Variants in CNTNAP2 observed in about 807,000 individuals in gnomAD.
CNTNAP2 encodes contactin-associated protein-like 2.
Under a neutral mutation model 155.2 loss-of-function variants are expected in CNTNAP2, and 98 were observed. That is an observed-to-expected ratio of 0.63 (90% CI 0.54 to 0.75). The LOEUF is 0.75. Ranked by LOEUF, CNTNAP2 falls within the 30% of genes least tolerant of loss-of-function variation. CNTNAP2 has a pLI of 0.00. For missense variants in CNTNAP2, 1,727 were observed against 1,688.1 expected (o/e 1.02, Z -0.40); for synonymous variants, 651 against 631.2 (o/e 1.03, Z -0.47).
chr7:147,031,067 T>C (rs1799023611), intron 3 of CNTNAP2, among the ~76,000 whole-genome samples: 1 of 152,196 alleles, frequency 6.6e-6, no homozygotes, highest in Non-Finnish European at 1.5e-5. Context: ...CATTTCTACC[T>C]CCAAACCTCT....
intron 1 of CNTNAP2, among the ~76,000 whole-genome samples, chr7:146,280,409 CG>C (rs1563019740): frequency 6.6e-6 from 1 of 151,844 alleles, no homozygotes; most frequent in Non-Finnish European, 1.5e-5. Context: ...CCTTTTTTCA[CG>C]TCTCAAGGAA....
intron 18 of CNTNAP2, among the ~76,000 whole-genome samples, chr7:148,192,149 C>T (rs1167428217): frequency 6.6e-6 from 1 of 152,030 alleles, no homozygotes; most frequent in African/African-American, 2.4e-5. Flanking sequence ...AAATTTATGG[C>T]GTACAAGGGT....
chr7:147,518,639 A>C (rs1799174853), intron 11 of CNTNAP2, among the ~76,000 whole-genome samples: 1 of 152,194 alleles, frequency 6.6e-6, no homozygotes, highest in African/African-American at 2.4e-5. Context: ...AATAATCAGC[A>C]CTGAACGAAT....
In CNTNAP2 at chr7:147,903,702, G is replaced by T; in HGVS notation, c.2236G>T (p.Asp746Tyr). 6.2e-7 allele frequency: 1 copy of T among 1,613,834 alleles called. No individual in the cohort carries two copies. The change falls in exon 14 of 24, where the codon GAC (aspartate) becomes TAC (tyrosine). Residue 746 changes from aspartate (D) to tyrosine (Y), a missense_variant. By Grantham distance (160) the Asp-to-Tyr change is radical. Transcript: ENST00000361727. ...AGATCCCAAGTACTACTGTAACTGC[G>T]ACGCGGACTACAAGCAATGGTGAGT... Reference protein sequence around the residue: ...CTDPKYYCNCDADYKQWRKDA... With the variant: ...CTDPKYYCNCYADYKQWRKDA...
intron 3 of CNTNAP2, among the ~76,000 whole-genome samples, chr7:146,932,801 A>G (rs1796807262): frequency 6.6e-6 from 1 of 152,140 alleles, no homozygotes; most frequent in African/African-American, 2.4e-5. Flanking sequence ...TAACAGACAA[A>G]CAGAGAGCCA....
At chr7:146,325,612 GCACA>G (rs372445430) in intron 1 of CNTNAP2, among the ~76,000 whole-genome samples, 1 of 151,288 alleles carries the variant, frequency 6.6e-6, no homozygotes, top group South Asian at 2.1e-4. Context: ...ACACACACAT[GCACA>G]CACACACAGG....
intron 14 of CNTNAP2, among the ~76,000 whole-genome samples, chr7:147,941,908 C>A (rs1800729477): frequency 6.6e-6 from 1 of 152,200 alleles, no homozygotes; most frequent in Non-Finnish European, 1.5e-5. Flanking sequence ...GCCAGCTATA[C>A]CGACATATTT....
chr7:146,182,804 C>G (rs2116838729), intron 1 of CNTNAP2, among the ~76,000 whole-genome samples: 1 of 152,248 alleles, frequency 6.6e-6, no homozygotes, highest in Admixed American at 6.5e-5. Context: ...TGTTCCCTTG[C>G]TAACTCATGT....
At chr7:147,589,265 G>C (rs1800693884) in intron 12 of CNTNAP2, among the ~76,000 whole-genome samples, 1 of 152,142 alleles carries the variant, frequency 6.6e-6, no homozygotes. Flanking sequence ...CTCAAGTTTG[G>C]TGAAAATGTT....
At chr7:148,018,442 G>C (rs1802218834) in intron 15 of CNTNAP2, among the ~76,000 whole-genome samples, 1 of 152,156 alleles carries the variant, frequency 6.6e-6, no homozygotes, top group Non-Finnish European at 1.5e-5. Flanking sequence ...GTTGTTGGTT[G>C]AATGTTCAAA....
At chr7:147,300,997 T>G (rs1276661036) in intron 9 of CNTNAP2, among the ~76,000 whole-genome samples, 2 of 152,116 alleles carry the variant, frequency 1.3e-5, no homozygotes. Flanking sequence ...ATAATCCAAT[T>G]TAGCAGTGAT....
chr7:148,289,800 C>G (rs10249313), intron 21 of CNTNAP2, among the ~76,000 whole-genome samples: 9,077 of 152,254 alleles, frequency 0.06, 350 homozygotes, highest in African/African-American at 0.11. Flanking sequence ...GAAACCAAGG[C>G]TGTTGGGGGA....
At chr7:147,076,125 A>G (rs1002232008) in intron 4 of CNTNAP2, among the ~76,000 whole-genome samples, 2 of 152,324 alleles carry the variant, frequency 1.3e-5, no homozygotes, top group Middle Eastern at 6.8e-3. Flanking sequence ...AGCATGATTT[A>G]TAATCCTTTG....
chr7:146,511,913 A>G lies in CNTNAP2; in HGVS notation c.98-262358A>G, dbSNP rs556135869. ...AGTTCTCATTAAGTCCTGGGTTTTT[A>G]TATGGGAGGCTTTTTATTACTGCTT... On this transcript the variant is annotated intron_variant, in intron 1 of 23. Transcript: ENST00000361727. Among the ~76,000 whole-genome samples, 53 of 152,124 alleles carry G rather than the reference A, an allele frequency of 3.5e-4. No individual in the cohort carries two copies. In the Middle Eastern group the frequency reaches 0.014, roughly 39 times the overall value.
At chr7:146,633,630 A>G (rs1159144703) in intron 1 of CNTNAP2, among the ~76,000 whole-genome samples, 2 of 152,000 alleles carry the variant, frequency 1.3e-5, no homozygotes, top group Non-Finnish European at 2.9e-5. Context: ...TTGAGTTAAA[A>G]AATAGATATA....
chr7:147,924,816 G>A (rs1204846677), intron 14 of CNTNAP2, among the ~76,000 whole-genome samples: 1 of 152,044 alleles, frequency 6.6e-6, no homozygotes, highest in East Asian at 1.9e-4. Context: ...CACCTCTCAA[G>A]TCAGAAAGAA....
intron 14 of CNTNAP2, among the ~76,000 whole-genome samples, chr7:147,963,349 G>C (rs1440964712): frequency 1.3e-5 from 2 of 152,144 alleles, no homozygotes; most frequent in East Asian, 3.9e-4. Flanking sequence ...GGGAAATACA[G>C]TTCTGTTATC....
At chr7:146,145,444 G>A (rs1281026924) in intron 1 of CNTNAP2, among the ~76,000 whole-genome samples, 3 of 152,144 alleles carry the variant, frequency 2.0e-5, no homozygotes, top group Admixed American at 2.0e-4. Context: ...AGTAGATACT[G>A]GGCAGGCAAT....
intron 13 of CNTNAP2, among the ~76,000 whole-genome samples, chr7:147,663,736 T>A (rs555299175): frequency 1.3e-5 from 2 of 152,364 alleles, no homozygotes; most frequent in South Asian, 4.1e-4. Flanking sequence ...GAATTTTTAT[T>A]GTATATATTT....
Sources: allele counts gnomAD v4.1 joint callset (sites outside exome capture counted in the v4.1 genomes callset), GRCh38; gene constraint gnomAD v4.1.1; transcripts MANE v1.5; gene names NCBI Gene and HGNC (gene_info 2026-07-23, HGNC 2026-07-21).